Variants in OTOGL observed in about 807,000 individuals in gnomAD.
OTOGL encodes the protein otogelin-like protein.
Under a neutral mutation model 318.5 loss-of-function variants are expected in OTOGL, and 285 were observed. The observed-to-expected ratio is 0.89, with a 90% CI of 0.81 to 0.99. OTOGL has a LOEUF of 0.99. Among genes scored for constraint, OTOGL ranks in the 50% least tolerant of loss-of-function variants. OTOGL has a pLI of 0.00. For missense variants in OTOGL, 2,899 were observed against 2,845.6 expected (o/e 1.02, Z -0.43); for synonymous variants, 987 against 936.5 (o/e 1.05, Z -0.99).
chr12:80,117,395 C>G (rs1870233955), intron 1 of OTOGL, among the ~76,000 whole-genome samples: 1 of 152,106 alleles, frequency 6.6e-6, no homozygotes, highest in South Asian at 2.1e-4. Context: ...TTGTAGTAAA[C>G]TTTGACTCCT....
rs745376509 is a variant in OTOGL at position 80,313,555 on chromosome 12, G to A, written c.3530G>A (p.Cys1177Tyr). The A allele has an allele frequency of 6.2e-7, 1 of 1,611,960 alleles. No homozygotes were observed. The highest frequency in any genetic ancestry group is 8.5e-7 in the Non-Finnish European group (1 of 1,178,282). Reference sequence around the variant, plus strand: ...CTTGGTGGCGACTGTGAGTGTTTGTGCACTAGTATAGCTGCATATGCATAC... The same window carrying A: ...CTTGGTGGCGACTGTGAGTGTTTGTACACTAGTATAGCTGCATATGCATAC... ...CNLGGDCECL[C>Y]TSIAAYAYKC... The change falls in exon 31 of 59, where the codon TGC becomes TAC. Residue 1177 changes from cysteine to tyrosine, a missense_variant. Coordinates refer to ENST00000547103, the MANE Select transcript of OTOGL (RefSeq NM_001378609.3).
chr12:80,118,317 C>T (rs1038466636), intron 1 of OTOGL, among the ~76,000 whole-genome samples: 25 of 152,180 alleles, frequency 1.6e-4, no homozygotes, highest in African/African-American at 5.5e-4. Context: ...CTGCCATCGG[C>T]TGTGAAGCGT....
intron 1 of OTOGL, among the ~76,000 whole-genome samples, chr12:80,186,514 A>G (rs1410778012): frequency 1.3e-5 from 2 of 152,134 alleles, no homozygotes; most frequent in Non-Finnish European, 2.9e-5. Context: ...CAGAGTTCTA[A>G]TCATATGATT....
At chr12:80,322,699 G>A (rs561133834) in intron 34 of OTOGL, among the ~76,000 whole-genome samples, 1 of 152,312 alleles carries the variant, frequency 6.6e-6, no homozygotes, top group African/African-American at 2.4e-5. Context: ...GAAGGTGAGA[G>A]TATTAGCAGA....
chr12:80,128,471 AG>A (rs1241577428), intron 1 of OTOGL, among the ~76,000 whole-genome samples: 1 of 152,188 alleles, frequency 6.6e-6, no homozygotes, highest in African/African-American at 2.4e-5. Context: ...CCTCCCAGTT[AG>A]GGTACTCGGG....
chr12:80,262,232 T>G (rs1051467129), intron 19 of OTOGL, 139 bp downstream of exon 19: 2 of 942,994 alleles, frequency 2.1e-6, no homozygotes, highest in Admixed American at 3.8e-5. Context: ...CTCGTGTATT[T>G]TTTTTTTGCT....
intron 1 of OTOGL, among the ~76,000 whole-genome samples, chr12:80,129,129 G>T (rs750126113): frequency 1.3e-5 from 2 of 152,146 alleles, no homozygotes; most frequent in Admixed American, 6.5e-5. Context: ...CTTCTGCGTC[G>T]CTCATGCTGG....
intron 57 of OTOGL, among the ~76,000 whole-genome samples, chr12:80,372,836 G>T (rs1890964809): frequency 6.6e-6 from 1 of 151,906 alleles, no homozygotes; most frequent in South Asian, 2.1e-4. Flanking sequence ...TTACACGCAT[G>T]CGCCATCACG....
intron 11 of OTOGL, among the ~76,000 whole-genome samples, chr12:80,247,050 CTCTT>C (rs1880967345): frequency 9.1e-6 from 1 of 110,378 alleles, no homozygotes; most frequent in Admixed American, 8.7e-5. Flanking sequence ...TGATTCTTCT[CTCTT>C]TTTTTCTTTA....
At position 80,161,922 on chromosome 12, in the gene OTOGL, G is replaced by C. The variant is rs183769810; in HGVS notation, c.-19-47491G>C. 3.7e-3 allele frequency among the ~76,000 whole-genome samples: 562 copies of C among 152,224 alleles called. 3 individuals are homozygous for C. Among genetic ancestry groups the C allele is most frequent in the African/African-American group, 0.013 (524 of 41,538 alleles). On this transcript the variant is annotated intron_variant, in intron 1 of 58. Coordinates refer to ENST00000547103, the MANE Select transcript of OTOGL (RefSeq NM_001378609.3). ...AGAAATCAGACTTCAGAACTGATAG[G>C]TTTGCTTTGGTAAAGCTCTTCAAAA...
intron 8 of OTOGL, among the ~76,000 whole-genome samples, chr12:80,230,861 T>C (rs187304743): frequency 6.6e-6 from 1 of 152,358 alleles, no homozygotes; most frequent in Non-Finnish European, 1.5e-5. Context: ...CATTCAGTTC[T>C]GCATTCATTT....
At chr12:80,248,993 C>T (rs1290688054) in intron 11 of OTOGL, among the ~76,000 whole-genome samples, 9 of 145,930 alleles carry the variant, frequency 6.2e-5, no homozygotes, top group Non-Finnish European at 1.2e-4. Context: ...ACGTAGTTCT[C>T]GAGCCTTGGT....
intron 1 of OTOGL, among the ~76,000 whole-genome samples, chr12:80,170,488 C>T (rs550047105): frequency 6.6e-6 from 1 of 151,784 alleles, no homozygotes; most frequent in East Asian, 1.9e-4. Flanking sequence ...GGCTGGAGTA[C>T]AGTGGCGCGA....
intron 28 of OTOGL, 99 bp downstream of exon 28, chr12:80,302,882 A>G (rs931715330): frequency 3.6e-6 from 4 of 1,111,316 alleles, no homozygotes; most frequent in African/African-American, 1.6e-5. Flanking sequence ...TCCTTTAAGA[A>G]CTAGGTTATA....
intron 6 of OTOGL, among the ~76,000 whole-genome samples, chr12:80,220,887 G>T (rs1309357889): frequency 6.6e-6 from 1 of 152,082 alleles, no homozygotes; most frequent in Non-Finnish European, 1.5e-5. Flanking sequence ...TGAAGCAGAG[G>T]TGGGGCATAC....
chr12:80,269,969 A>T (rs1243359505), intron 22 of OTOGL, 133 bp from the exon 23 acceptor site: 2 of 747,158 alleles, frequency 2.7e-6, no homozygotes, highest in African/African-American at 3.6e-5. Flanking sequence ...GCTTGTAAAA[A>T]CTTCTGTGGG....
At chr12:80,113,973 T>C (rs550005584) in intron 1 of OTOGL, among the ~76,000 whole-genome samples, 1 of 152,284 alleles carries the variant, frequency 6.6e-6, no homozygotes, top group South Asian at 2.1e-4. Flanking sequence ...TTGGTAAATC[T>C]TCCTCCATCT....
chr12:80,315,937 A>G (rs1886944143), intron 32 of OTOGL, among the ~76,000 whole-genome samples: 1 of 152,152 alleles, frequency 6.6e-6, no homozygotes, highest in Non-Finnish European at 1.5e-5. Flanking sequence ...CATAATTAAA[A>G]TGTGATTTAT....
chr12:80,274,504 A>G (rs575969233), intron 24 of OTOGL, among the ~76,000 whole-genome samples: 1 of 152,196 alleles, frequency 6.6e-6, no homozygotes, highest in South Asian at 2.1e-4. Flanking sequence ...AGTTTAAGAA[A>G]AGAAACTATC....
Sources: gnomAD v4.1 joint callset for allele counts (sites outside exome capture counted in the v4.1 genomes callset) on GRCh38, gnomAD v4.1.1 for gene constraint, MANE v1.5 for transcripts, NCBI Gene and HGNC (gene_info 2026-07-23, HGNC 2026-07-21) for gene names.